FNDC3B: variants seen among roughly 807,000 people sequenced by gnomAD.
FNDC3B encodes the protein fibronectin type III domain-containing protein 3B.
FNDC3B carries 12 observed loss-of-function variants against 151.5 expected under a neutral mutation model. The ratio of observed to expected loss-of-function variants is 0.08; its 90% confidence interval spans 0.05 to 0.13. The LOEUF is 0.13. Among genes scored for constraint, FNDC3B ranks in the 10% least tolerant of loss-of-function variants. FNDC3B has a pLI of 1.00. For missense variants in FNDC3B, 1,214 were observed against 1,505.3 expected, an observed-to-expected ratio of 0.81 and a Z score of 3.20; for synonymous variants, 528 against 549.0, an observed-to-expected ratio of 0.96 and a Z score of 0.54.
chr3:172,335,152 A>G (rs1040249795), intron 15 of FNDC3B, 70 bp downstream of exon 15: 1 of 1,454,390 alleles, frequency 6.9e-7, no homozygotes, highest in African/African-American at 1.5e-5. Flanking sequence ...AAAATGATTC[A>G]TTTTAGTAGT....
In FNDC3B at chr3:172,149,806, G is replaced by GTTTTTTTT. The variant is rs10561622; in HGVS notation, c.187+16283_187+16290dup. On this transcript the variant is annotated intron_variant, in intron 3 of 25. Coordinates refer to ENST00000415807, the MANE Select transcript of FNDC3B (RefSeq NM_022763.4). ...TGTGTATACCTTTTGTATGTTGGGTGTTTTTTTTTTTTTTTTTTTTTTTTT... is the reference window on the plus strand; with the variant it reads ...TGTGTATACCTTTTGTATGTTGGGTGTTTTTTTTTTTTTTTTTTTTTTTTTTTTTTTTT... Among the ~76,000 whole-genome samples, 117 of 52,506 alleles carry GTTTTTTTT rather than the reference G, an allele frequency of 2.2e-3. 23 individuals are homozygous for GTTTTTTTT. The highest frequency in any genetic ancestry group is 8.8e-3 in the African/African-American group (112 of 12,774). The allele number at this position is 52,506 out of a possible 152,430, so 34.4% of individuals were successfully genotyped here.
intron 6 of FNDC3B, among the ~76,000 whole-genome samples, chr3:172,277,746 A>T (rs1433532001): frequency 6.6e-6 from 1 of 152,178 alleles, no homozygotes; most frequent in Non-Finnish European, 1.5e-5. Flanking sequence ...ACCAAGAATA[A>T]CTGATTGGCT....
chr3:172,244,562 G>C (rs1416632929), intron 4 of FNDC3B, among the ~76,000 whole-genome samples: 1 of 148,446 alleles, frequency 6.7e-6, no homozygotes, highest in Non-Finnish European at 1.5e-5. Flanking sequence ...TAGAAAAATG[G>C]TAAAAATATT....
chr3:172,281,909 G>GA (rs940558333), intron 6 of FNDC3B, among the ~76,000 whole-genome samples: 44 of 150,426 alleles, frequency 2.9e-4, no homozygotes, highest in South Asian at 8.4e-4. Flanking sequence ...AGAGACAGGA[G>GA]AAAAAAAACA....
chr3:172,353,098 G>T lies in FNDC3B; in HGVS notation c.2795+15G>T. 1 of 1,607,872 alleles carries T rather than the reference G, an allele frequency of 6.2e-7. No individual in the cohort carries two copies. Reference sequence around the variant, plus strand: ...ACCACCTACCGGTGAGTGCAAGGGAGTAGAAATCTGCATCAGCACATCAGC... The same window carrying T: ...ACCACCTACCGGTGAGTGCAAGGGATTAGAAATCTGCATCAGCACATCAGC... On this transcript the variant is annotated intron_variant, in intron 22 of 25. Transcript: ENST00000415807.
At chr3:172,269,738 G>A (rs995216132) in intron 6 of FNDC3B, among the ~76,000 whole-genome samples, 1 of 151,964 alleles carries the variant, frequency 6.6e-6, no homozygotes, top group African/African-American at 2.4e-5. Flanking sequence ...TCCACCTCTC[G>A]GGTTCAAGCG....
intron 23 of FNDC3B, among the ~76,000 whole-genome samples, chr3:172,372,441 A>G (rs912846370): frequency 2.6e-5 from 4 of 152,348 alleles, no homozygotes; most frequent in African/African-American, 9.6e-5. Flanking sequence ...TTTATTGAGC[A>G]TATGGTATGT....
intron 1 of FNDC3B, among the ~76,000 whole-genome samples, chr3:172,067,821 G>A (rs1304911905): frequency 6.6e-6 from 1 of 152,142 alleles, no homozygotes; most frequent in Non-Finnish European, 1.5e-5. Context: ...TTGTTTCTCT[G>A]CCACTTAACC....
chr3:172,364,888 T>G (rs968282678), intron 23 of FNDC3B, among the ~76,000 whole-genome samples: 1 of 152,244 alleles, frequency 6.6e-6, no homozygotes, highest in Non-Finnish European at 1.5e-5. Flanking sequence ...AGTCCAAATT[T>G]ATCTTTTTAA....
rs201224311 is a variant in FNDC3B at position 172,352,821 on chromosome 3, G to A, written c.2533G>A (p.Ala845Thr). 9.2e-5 allele frequency: 149 copies of A among 1,613,730 alleles called. No individual in the cohort carries two copies. The highest frequency in any genetic ancestry group is 1.2e-4 in the Non-Finnish European group (138 of 1,179,964). The change falls in exon 22 of 26, where the codon GCA (alanine) becomes ACA (threonine). Residue 845 changes from alanine to threonine, a missense_variant. Transcript: ENST00000415807. The surrounding 1 kb of genome is among the most constrained non-coding windows in gnomAD (Gnocchi z 4.2). ...CRLQAFNQAG[A>T]GPYSELVLCQ... ...TTTGTAGGCCTTCAATCAAGCAGGGGCAGGGCCGTACAGTGAACTTGTCCT... is the reference window on the plus strand; with the variant it reads ...TTTGTAGGCCTTCAATCAAGCAGGGACAGGGCCGTACAGTGAACTTGTCCT...
At chr3:172,315,503 CT>C (rs1731735143) in intron 11 of FNDC3B, among the ~76,000 whole-genome samples, 1 of 152,210 alleles carries the variant, frequency 6.6e-6, no homozygotes, top group Non-Finnish European at 1.5e-5. Context: ...GCCAAGTTCC[CT>C]TGTGGTGACT....
At chr3:172,191,311 T>C (rs9837802) in intron 3 of FNDC3B, among the ~76,000 whole-genome samples, 39,338 of 152,116 alleles carry the variant, frequency 0.26, 7,175 homozygotes, top group African/African-American at 0.52. Context: ...GAACTTAACA[T>C]GTATTAAACA....
intron 1 of FNDC3B, among the ~76,000 whole-genome samples, chr3:172,042,083 A>G (rs1716112662): frequency 6.6e-6 from 1 of 152,144 alleles, no homozygotes; most frequent in South Asian, 2.1e-4. Flanking sequence ...TTAAGATAAA[A>G]AAAATTCATC....
Position 172,347,279 on chromosome 3 carries a change from T to C in FNDC3B, c.2432T>C (p.Leu811Ser). ...RLEWGEDEES[L>S]ELIYHGTDTR... ...GAATGGGGAGAAGATGAAGAATCCT[T>C]AGAACTCATTTATCATGGGACAGAC... The change falls in exon 21 of 26, where the codon TTA becomes TCA. Residue 811 changes from leucine (L) to serine (S), a missense_variant. Around this residue, in one of 7 missense-constraint regions of FNDC3B, gnomAD observed 380 missense variants for 420.9 expected, o/e 0.90. Coordinates refer to ENST00000415807, the MANE Select transcript of FNDC3B (RefSeq NM_022763.4). 1 of 1,614,046 alleles carries C rather than the reference T, an allele frequency of 6.2e-7. No homozygotes were observed. Among genetic ancestry groups the C allele is most frequent in the Non-Finnish European group, 8.5e-7 (1 of 1,179,958 alleles).
intron 3 of FNDC3B, among the ~76,000 whole-genome samples, chr3:172,148,743 A>G (rs1162489463): frequency 1.3e-5 from 2 of 152,228 alleles, no homozygotes; most frequent in Non-Finnish European, 2.9e-5. Context: ...AATTACAGTT[A>G]CAGCACTGAG....
At chr3:172,045,766 GTCTCTCTCTCTCTC>G (rs67916203) in intron 1 of FNDC3B, among the ~76,000 whole-genome samples, 8 of 147,158 alleles carry the variant, frequency 5.4e-5, no homozygotes, top group African/African-American at 1.8e-4. Flanking sequence ...TTTACTGAGT[GTCTCTCTCTCTCTC>G]TCTCTCTCTC....
At chr3:172,057,127 G>A (rs1368399141) in intron 1 of FNDC3B, among the ~76,000 whole-genome samples, 1 of 152,130 alleles carries the variant, frequency 6.6e-6, no homozygotes, top group African/African-American at 2.4e-5. Context: ...AAGAAATGTT[G>A]TAATAAAGGG....
chr3:172,242,299 C>T (rs1284058070), intron 4 of FNDC3B, among the ~76,000 whole-genome samples: 1 of 152,108 alleles, frequency 6.6e-6, no homozygotes. Context: ...GGATGGTAGC[C>T]CTCTAGGCAG....
chr3:172,159,658 G>C lies in FNDC3B; in HGVS notation c.187+26112G>C, dbSNP rs148409465. Among the ~76,000 whole-genome samples, 882 of 152,350 alleles carry C rather than the reference G, an allele frequency of 5.8e-3. 4 individuals are homozygous for C. Among genetic ancestry groups the C allele is most frequent in the Non-Finnish European group, 9.7e-3 (663 of 68,038 alleles). Reference sequence around the variant, plus strand: ...TGTAAGTCTAAAGTTCTGTACAGCTGTCTCTGAAGCCTGGATTGATAATGA... The same window carrying C: ...TGTAAGTCTAAAGTTCTGTACAGCTCTCTCTGAAGCCTGGATTGATAATGA... On this transcript the variant is annotated intron_variant, in intron 3 of 25. Coordinates refer to ENST00000415807, the MANE Select transcript of FNDC3B (RefSeq NM_022763.4).
Sources: allele counts gnomAD v4.1 joint callset (sites outside exome capture counted in the v4.1 genomes callset), GRCh38; gene constraint gnomAD v4.1.1; regional missense constraint gnomAD v4.1.1; non-coding constraint Gnocchi (gnomAD v3.1); transcripts MANE v1.5; gene names NCBI Gene and HGNC (gene_info 2026-07-23, HGNC 2026-07-21).